BMP6: variants seen among roughly 807,000 people sequenced by gnomAD.
BMP6 encodes the protein VG-1-R.
BMP6 carries 17 observed loss-of-function variants against 54.1 expected under a neutral mutation model. The ratio of observed to expected loss-of-function variants is 0.31; its 90% CI spans 0.22 to 0.47. BMP6 has a LOEUF of 0.47. Among genes scored for constraint, BMP6 ranks in the 20% least tolerant of loss-of-function variants. The pLI is 1.00. For synonymous variants in BMP6, 328 were observed against 291.2 expected, an observed-to-expected ratio of 1.13 and a Z score of -1.28; for missense variants, 720 against 690.4, an observed-to-expected ratio of 1.04 and a Z score of -0.48.
intron 1 of BMP6, among the ~76,000 whole-genome samples, chr6:7,779,528 C>T (rs538564793): frequency 2.0e-5 from 3 of 151,992 alleles, no homozygotes; most frequent in Admixed American, 1.3e-4. Flanking sequence ...TTGGTAGAGA[C>T]GGGGTTTCAC....
chr6:7,825,354 A>C (rs1758678546), intron 1 of BMP6, among the ~76,000 whole-genome samples: 1 of 152,206 alleles, frequency 6.6e-6, no homozygotes, highest in Non-Finnish European at 1.5e-5. Flanking sequence ...TGACCTTCTA[A>C]GTTTTTCTTA....
intron 2 of BMP6, among the ~76,000 whole-genome samples, chr6:7,855,903 T>C (rs1759222730): frequency 6.6e-6 from 1 of 151,878 alleles, no homozygotes; most frequent in African/African-American, 2.4e-5. Flanking sequence ...CCTCTTACGG[T>C]TGTTGTGAGG....
intron 1 of BMP6, among the ~76,000 whole-genome samples, chr6:7,756,583 T>C (rs929183666): frequency 6.6e-6 from 1 of 152,196 alleles, no homozygotes; most frequent in African/African-American, 2.4e-5. Flanking sequence ...TGCTGGATTT[T>C]GTTATATTCC....
chr6:7,848,580 G>A (rs557432306), intron 2 of BMP6, among the ~76,000 whole-genome samples: 1 of 152,086 alleles, frequency 6.6e-6, no homozygotes, highest in African/African-American at 2.4e-5. Flanking sequence ...AGGCATATTT[G>A]AGAAATACCT....
At chr6:7,785,402 T>C (rs1222825165) in intron 1 of BMP6, among the ~76,000 whole-genome samples, 3 of 152,238 alleles carry the variant, frequency 2.0e-5, no homozygotes, top group Non-Finnish European at 4.4e-5. Context: ...GAAGAGTTAT[T>C]TGGTGTTAGA....
chr6:7,762,540 T>C (rs1315310007), intron 1 of BMP6, among the ~76,000 whole-genome samples: 1 of 152,218 alleles, frequency 6.6e-6, no homozygotes, highest in Non-Finnish European at 1.5e-5. Context: ...AATATACAAA[T>C]ATATAACATA....
chr6:7,732,521 G>GA (rs1761880758), intron 1 of BMP6, among the ~76,000 whole-genome samples: 2 of 152,140 alleles, frequency 1.3e-5, no homozygotes, highest in African/African-American at 2.4e-5. Context: ...GGGCTTCCCT[G>GA]GGATAAGAAT....
chr6:7,769,417 G>A (rs1159003876), intron 1 of BMP6, among the ~76,000 whole-genome samples: 2 of 152,226 alleles, frequency 1.3e-5, no homozygotes, highest in Admixed American at 1.3e-4. Flanking sequence ...CTCCCCAGGT[G>A]ATTCTAGCAT....
At chr6:7,788,869 C>T (rs1314607293) in intron 1 of BMP6, among the ~76,000 whole-genome samples, 2 of 129,398 alleles carry the variant, frequency 1.5e-5, no homozygotes, top group African/African-American at 5.7e-5. Flanking sequence ...CATCCTATCT[C>T]TGTTTTTTTT....
In BMP6 at chr6:7,822,897, T is replaced by TG. The variant is rs915176611; in HGVS notation, c.665-22243_665-22242insG. ...CATGCTACAGTAGGATTGGTGCTGG[T>TG]TGTGTGTGTGTGTGTGTGTGTGTGT... On this transcript the variant is annotated intron_variant, in intron 1 of 6. Transcript: ENST00000283147. Among the ~76,000 whole-genome samples the TG allele has an allele frequency of 4.8e-3, 585 of 121,340 alleles. 6 individuals carry two copies. The highest frequency in any genetic ancestry group is 0.018 in the African/African-American group (566 of 31,976). The allele number at this position is 121,340 out of a possible 152,430, so 79.6% of individuals were successfully genotyped here.
At chr6:7,817,326 A>T (rs1242782591) in intron 1 of BMP6, among the ~76,000 whole-genome samples, 1 of 152,192 alleles carries the variant, frequency 6.6e-6, no homozygotes, top group Non-Finnish European at 1.5e-5. Flanking sequence ...TTATTAAAAA[A>T]TGATGTGATT....
intron 1 of BMP6, among the ~76,000 whole-genome samples, chr6:7,740,097 G>A (rs1762019776): frequency 6.6e-6 from 1 of 152,178 alleles, no homozygotes; most frequent in African/African-American, 2.4e-5. Context: ...CCAGTTGCAG[G>A]AGTAAAGAGA....
At chr6:7,783,650 C>T (rs1180068407) in intron 1 of BMP6, among the ~76,000 whole-genome samples, 1 of 152,244 alleles carries the variant, frequency 6.6e-6, no homozygotes, top group Non-Finnish European at 1.5e-5. Context: ...TTAAGATTGA[C>T]TTTCATGTCT....
chr6:7,825,447 G>T (rs569611841), intron 1 of BMP6, among the ~76,000 whole-genome samples: 1 of 152,110 alleles, frequency 6.6e-6, no homozygotes. Flanking sequence ...TAGGCCAGGC[G>T]TGGTGGATCA....
chr6:7,874,944 G>A (rs1759585633), intron 4 of BMP6, among the ~76,000 whole-genome samples: 1 of 148,488 alleles, frequency 6.7e-6, no homozygotes, highest in Non-Finnish European at 1.5e-5. Flanking sequence ...TATATATATA[G>A]GAGGAGATTT....
chr6:7,857,181 C>G lies in BMP6; in HGVS notation c.858-4270C>G, dbSNP rs184822644. Among the ~76,000 whole-genome samples the G allele has an allele frequency of 4.6e-3, 705 of 152,284 alleles. 8 individuals carry two copies. Among genetic ancestry groups the G allele is most frequent in the African/African-American group, 0.016 (665 of 41,546 alleles). On this transcript the variant is annotated intron_variant, in intron 2 of 6. Transcript: ENST00000283147. The stretch of plus-strand genomic sequence containing the variant: ...AGGGATAAATCTTGCCCACAAACAC[C>G]AATTCTACTAGTCTTTATGAGTGGC...
rs1758211290 is a variant in BMP6, at chr6:7,797,710, G to GC, written c.665-47428dup. On this transcript the variant is annotated intron_variant, in intron 1 of 6. Transcript: ENST00000283147. ...ATTGCATGAGTAGTAAGTTCCATGT[G>GC]CCAGGAGATGGCTTGGTTCATCTCT... Among the ~76,000 whole-genome samples, 5 of 152,236 alleles carry GC rather than the reference G, an allele frequency of 3.3e-5. No individual in the cohort carries two copies. In the South Asian group the frequency reaches 1.0e-3, roughly 32 times the overall value.
chr6:7,877,536 T>C (rs1325021493), intron 4 of BMP6, among the ~76,000 whole-genome samples: 1 of 151,926 alleles, frequency 6.6e-6, no homozygotes, highest in Non-Finnish European at 1.5e-5. Flanking sequence ...GGCAGGAGAA[T>C]CGCTTGAACC....
At chr6:7,875,352 A>G (rs899718098) in intron 4 of BMP6, among the ~76,000 whole-genome samples, 8 of 152,188 alleles carry the variant, frequency 5.3e-5, no homozygotes, top group Admixed American at 6.5e-5. Context: ...TATTTCTTCC[A>G]GAAATACCTT....
Sources: allele counts gnomAD v4.1 joint callset (sites outside exome capture counted in the v4.1 genomes callset), GRCh38; gene constraint gnomAD v4.1.1; transcripts MANE v1.5; gene names NCBI Gene and HGNC (gene_info 2026-07-23, HGNC 2026-07-21).